The following PTPRQ variants were observed in gnomAD, a reference collection of about 807,000 sequenced individuals.
PTPRQ encodes the protein phosphatidylinositol phosphatase PTPRQ.
PTPRQ carries 199 observed loss-of-function variants against 246.0 expected under a neutral mutation model. The ratio of observed to expected loss-of-function variants is 0.81; its 90% CI spans 0.72 to 0.91. The LOEUF (loss-of-function observed/expected upper bound fraction) is 0.91, where lower values mean the gene tolerates loss of function less well. PTPRQ is among the 40% of genes least tolerant of loss of function. PTPRQ has a pLI of 0.00. For synonymous variants in PTPRQ, 869 were observed against 853.2 expected (o/e 1.02, Z -0.32); for missense variants, 2,624 against 2,528.4 (o/e 1.04, Z -0.81).
chr12:80,489,295 A>G (rs1894373398), intron 9 of PTPRQ, among the ~76,000 whole-genome samples: 1 of 152,010 alleles, frequency 6.6e-6, no homozygotes, highest in East Asian at 1.9e-4. Flanking sequence ...AAATGTTCCA[A>G]TCCTACCTCT....
chr12:80,568,447 T>G (rs1305272073), intron 25 of PTPRQ, among the ~76,000 whole-genome samples: 1 of 152,204 alleles, frequency 6.6e-6, no homozygotes, highest in Non-Finnish European at 1.5e-5. Context: ...AATTTTTGTT[T>G]TGCTGTTTTT....
chr12:80,510,460 T>G lies in PTPRQ; in HGVS notation c.2678+17T>G. ...TTATGTCTGGTAATAATTTTTTTTT[T>G]GGAAATAGTTCTGAGAACAGATATT... On this transcript the variant is annotated intron_variant, in intron 17 of 44. Coordinates refer to ENST00000644991, the MANE Select transcript of PTPRQ (RefSeq NM_001145026.2). 6.6e-7 allele frequency: 1 copy of G among 1,524,246 alleles called. No individual in the cohort carries two copies. The highest frequency in any genetic ancestry group is 8.8e-7 in the Non-Finnish European group (1 of 1,132,352). The allele number at this position is 1,524,246 out of a possible 1,614,324, so 94.4% of individuals were successfully genotyped here.
rs954768786 is a variant in PTPRQ at position 80,542,339 on chromosome 12, T to C, written c.3696T>C (p.Ile1232=). 6.5e-7 allele frequency: 1 copy of C among 1,544,188 alleles called. No homozygotes were observed. The highest frequency in any genetic ancestry group is 1.4e-5 in the African/African-American group (1 of 72,336). Residue 1232 remains isoleucine (I), a synonymous_variant, in exon 22 of 45, where the codon ATT becomes ATC. Transcript: ENST00000644991. ...GAAAAGGACTTGGTCCTTCCAGTAT[T>C]CTTTTCTTTTACACAGATGAGTCAG... The part of the protein sequence containing the change: ...RTRKGLGPSS[I]LFFYTDESVP...
At chr12:80,456,766 C>T (rs894616815) in intron 3 of PTPRQ, among the ~76,000 whole-genome samples, 2 of 152,112 alleles carry the variant, frequency 1.3e-5, no homozygotes, top group African/African-American at 4.8e-5. Context: ...CATTTGATGT[C>T]TTCAGTGTAA....
chr12:80,539,559 T>C (rs1896086823), intron 19 of PTPRQ, among the ~76,000 whole-genome samples: 1 of 152,146 alleles, frequency 6.6e-6, no homozygotes, highest in Non-Finnish European at 1.5e-5. Flanking sequence ...TTTTTTTGTA[T>C]TGGCTTTGCA....
At chr12:80,458,210 C>T (rs974959450) in intron 4 of PTPRQ, among the ~76,000 whole-genome samples, 2 of 152,114 alleles carry the variant, frequency 1.3e-5, no homozygotes, top group African/African-American at 4.8e-5. Flanking sequence ...GCTCTTTTCT[C>T]TCACAGTACA....
chr12:80,516,029 C>T (rs1279934280), intron 17 of PTPRQ, among the ~76,000 whole-genome samples: 2 of 151,910 alleles, frequency 1.3e-5, no homozygotes, highest in Non-Finnish European at 2.9e-5. Flanking sequence ...CATTTCCCCC[C>T]TGCAGTTATT....
At chr12:80,559,372 G>C (rs1241662466) in intron 25 of PTPRQ, among the ~76,000 whole-genome samples, 2 of 152,080 alleles carry the variant, frequency 1.3e-5, no homozygotes, top group Admixed American at 1.3e-4. Context: ...CCTGTTAGTA[G>C]GGTCTTTTAC....
intron 6 of PTPRQ, chr12:80,462,808 TG>T (rs1893242423): frequency 6.9e-6 from 1 of 144,070 alleles, no homozygotes; most frequent in Non-Finnish European, 1.5e-5. Flanking sequence ...CGGAGGGTCC[TG>T]TCTGTTAGGA....
chr12:80,457,262 A>G (rs892037341), intron 3 of PTPRQ, among the ~76,000 whole-genome samples: 2 of 152,120 alleles, frequency 1.3e-5, no homozygotes, highest in African/African-American at 2.4e-5. Flanking sequence ...TGTAGTGGAT[A>G]TATCAGAGAA....
chr12:80,550,768 G>A (rs915157513), intron 25 of PTPRQ, among the ~76,000 whole-genome samples: 2 of 151,988 alleles, frequency 1.3e-5, no homozygotes, highest in African/African-American at 2.4e-5. Context: ...TGTCCCAGCT[G>A]CTCCAAAATT....
chr12:80,534,085 G>A lies in PTPRQ; in HGVS notation c.2749G>A (p.Val917Ile). Residue 917 changes from valine to isoleucine, a missense_variant, in exon 18 of 45, where the codon GTT becomes ATT. Coordinates refer to ENST00000644991, the MANE Select transcript of PTPRQ (RefSeq NM_001145026.2). ...GGAGTTATCAGATTTGGATTATAAT[G>A]TTGAATACAGTGCTTATGTAACAGC... ...SLELSDLDYN[V>I]EYSAYVTAST... is the part of the protein sequence containing the mutation. 1 of 1,539,974 alleles carries A rather than the reference G, an allele frequency of 6.5e-7. No homozygotes were observed. The highest frequency in any genetic ancestry group is 8.8e-7 in the Non-Finnish European group (1 of 1,142,794).
intron 8 of PTPRQ, among the ~76,000 whole-genome samples, chr12:80,478,034 C>G (rs1425559578): frequency 6.6e-6 from 1 of 152,244 alleles, no homozygotes; most frequent in African/African-American, 2.4e-5. Context: ...CACAACAGCT[C>G]AAGGAGGCCT....
At chr12:80,623,023 G>C (rs1899053525) in intron 33 of PTPRQ, among the ~76,000 whole-genome samples, 2 of 152,080 alleles carry the variant, frequency 1.3e-5, no homozygotes, top group Admixed American at 6.6e-5. Context: ...AAAAGCCCCA[G>C]TTTATTCGTC....
At chr12:80,600,204 G>A (rs1387401331) in intron 26 of PTPRQ, among the ~76,000 whole-genome samples, 1 of 151,746 alleles carries the variant, frequency 6.6e-6, no homozygotes, top group Non-Finnish European at 1.5e-5. Flanking sequence ...AAAATATTTA[G>A]TAGTATAGGT....
In PTPRQ at chr12:80,569,205, T is replaced by C. The variant is rs1036143905; in HGVS notation, c.4286-18924T>C. Among the ~76,000 whole-genome samples the C allele has an allele frequency of 3.3e-5, 5 of 150,734 alleles. No homozygotes were observed. In the East Asian group the frequency reaches 9.7e-4, roughly 29 times the overall value. On this transcript the variant is annotated intron_variant, in intron 25 of 44. Coordinates refer to ENST00000644991, the MANE Select transcript of PTPRQ (RefSeq NM_001145026.2). ...CAATTCCCACCTATGAGTGAGAATA[T>C]GCGGTGTTTGGTTTTTTGTTCTTGC...
intron 19 of PTPRQ, among the ~76,000 whole-genome samples, chr12:80,537,847 C>T (rs560366608): frequency 4.6e-5 from 7 of 152,264 alleles, no homozygotes; most frequent in Admixed American, 2.0e-4. Flanking sequence ...TGGTGGCTCA[C>T]GCCTGTAATC....
chr12:80,589,149 G>A (rs933001934), intron 26 of PTPRQ, among the ~76,000 whole-genome samples: 1 of 152,256 alleles, frequency 6.6e-6, no homozygotes, highest in Non-Finnish European at 1.5e-5. Flanking sequence ...TGGTTGCCCT[G>A]CTTGCTTGGA....
chr12:80,468,436 A>G (rs941019683), intron 6 of PTPRQ, among the ~76,000 whole-genome samples: 1 of 152,210 alleles, frequency 6.6e-6, no homozygotes, highest in African/African-American at 2.4e-5. Context: ...AATGTATTAC[A>G]ATGAATATTA....
Sources: allele counts gnomAD v4.1 joint callset (sites outside exome capture counted in the v4.1 genomes callset), GRCh38; gene constraint gnomAD v4.1.1; transcripts MANE v1.5; gene names NCBI Gene and HGNC (gene_info 2026-07-23, HGNC 2026-07-21).